NRP1: variants seen among roughly 807,000 people sequenced by gnomAD.
NRP1 encodes neuropilin-1.
Under a neutral mutation model 106.7 loss-of-function variants are expected in NRP1, and 35 were observed. That is an observed-to-expected ratio of 0.33 (90% CI 0.25 to 0.43). NRP1 has a LOEUF of 0.43. NRP1 is among the 20% of genes least tolerant of loss of function. NRP1 has a pLI of 1.00. For missense variants in NRP1, 1,024 were observed against 1,170.4 expected, an observed-to-expected ratio of 0.87 and a Z score of 1.83; for synonymous variants, 437 against 417.9, an observed-to-expected ratio of 1.05 and a Z score of -0.56.
At chr10:33,282,991 G>A (rs1167495823) in intron 2 of NRP1, among the ~76,000 whole-genome samples, 1 of 152,122 alleles carries the variant, frequency 6.6e-6, no homozygotes, top group East Asian at 1.9e-4. Context: ...TGATCCACCT[G>A]TCTCAGCCTC....
chr10:33,253,912 G>A (rs569836279), intron 6 of NRP1, 116 bp downstream of exon 6: 29 of 878,148 alleles, frequency 3.3e-5, no homozygotes, highest in South Asian at 9.9e-5. Context: ...CCTGATGGCC[G>A]TGAACCTATC....
intron 2 of NRP1, among the ~76,000 whole-genome samples, chr10:33,275,094 G>A (rs2133330017): frequency 6.6e-6 from 1 of 152,292 alleles, no homozygotes; most frequent in Middle Eastern, 3.4e-3. Context: ...CAATTAGTCT[G>A]CATCTATGTT....
chr10:33,325,590 A>G (rs778360022), intron 2 of NRP1, among the ~76,000 whole-genome samples: 14 of 152,216 alleles, frequency 9.2e-5, no homozygotes, highest in Non-Finnish European at 1.8e-4. Context: ...TTTTCATTCC[A>G]TAAGTTTATA....
intron 12 of NRP1, among the ~76,000 whole-genome samples, chr10:33,196,609 G>C (rs34156386): frequency 0.037 from 5,579 of 152,234 alleles, 137 homozygotes; most frequent in Non-Finnish European, 0.056. Flanking sequence ...TTTTGTAGAG[G>C]GTGTCTGGGC....
chr10:33,246,583 A>AACACACACACACAC (rs59215824), intron 6 of NRP1, among the ~76,000 whole-genome samples: 38 of 137,734 alleles, frequency 2.8e-4, no homozygotes, highest in African/African-American at 8.8e-4. Flanking sequence ...AGTTGCAATA[A>AACACACACACACAC]ACACACACAC....
chr10:33,275,138 T>C (rs1382187545), intron 2 of NRP1, among the ~76,000 whole-genome samples: 1 of 152,212 alleles, frequency 6.6e-6, no homozygotes, highest in African/African-American at 2.4e-5. Context: ...CGTCCCCTAA[T>C]AGTTCTGGCT....
At chr10:33,220,900 CAAAAAAAA>C (rs35895871) in intron 8 of NRP1, among the ~76,000 whole-genome samples, 2 of 60,678 alleles carry the variant, frequency 3.3e-5, no homozygotes, top group Non-Finnish European at 5.7e-5. Flanking sequence ...GGCTCAGTCT[CAAAAAAAA>C]AAAAAAAAAA....
intron 12 of NRP1, among the ~76,000 whole-genome samples, chr10:33,192,977 T>C (rs1290253041): frequency 6.6e-6 from 1 of 152,192 alleles, no homozygotes; most frequent in Non-Finnish European, 1.5e-5. Flanking sequence ...GATTATTTTT[T>C]TTTCTTCCAT....
At chr10:33,267,414 C>T (rs1378429635) in intron 3 of NRP1, among the ~76,000 whole-genome samples, 2 of 152,148 alleles carry the variant, frequency 1.3e-5, no homozygotes, top group Admixed American at 1.3e-4. Flanking sequence ...CTTGTAAGAA[C>T]AGGAGTAACT....
intron 6 of NRP1, among the ~76,000 whole-genome samples, chr10:33,230,283 C>G (rs1289763519): frequency 1.3e-5 from 2 of 152,250 alleles, no homozygotes; most frequent in African/African-American, 4.8e-5. Flanking sequence ...GTCAGGAGAC[C>G]TAGAAAGACT....
chr10:33,251,143 A>C (rs1420971046), intron 6 of NRP1, among the ~76,000 whole-genome samples: 1 of 152,118 alleles, frequency 6.6e-6, no homozygotes, highest in Non-Finnish European at 1.5e-5. Flanking sequence ...TCTTCTCATG[A>C]TAGTGGGTGA....
At chr10:33,196,830 C>A (rs1836821057) in intron 12 of NRP1, among the ~76,000 whole-genome samples, 1 of 152,064 alleles carries the variant, frequency 6.6e-6, no homozygotes, top group Non-Finnish European at 1.5e-5. Flanking sequence ...ACCACACGCC[C>A]CATTAATAAA....
chr10:33,275,895 G>A (rs563179179), intron 2 of NRP1, among the ~76,000 whole-genome samples: 1 of 152,064 alleles, frequency 6.6e-6, no homozygotes, highest in Admixed American at 6.6e-5. Context: ...GGTCAACAGG[G>A]CAAGACTCTG....
chr10:33,296,582 CCTCCAAG>C (rs1329905927), intron 2 of NRP1, among the ~76,000 whole-genome samples: 1 of 152,118 alleles, frequency 6.6e-6, no homozygotes, highest in Admixed American at 6.5e-5. Flanking sequence ...TCCCTTCTGA[CCTCCAAG>C]CTTCAGAGGG....
chr10:33,304,099 A>G (rs576440685), intron 2 of NRP1, among the ~76,000 whole-genome samples: 142 of 152,368 alleles, frequency 9.3e-4, no homozygotes, highest in African/African-American at 3.2e-3. Context: ...TGTTCTGGGA[A>G]ATAACTCAAT....
intron 6 of NRP1, among the ~76,000 whole-genome samples, chr10:33,245,784 T>G (rs1351265014): frequency 6.6e-6 from 1 of 150,946 alleles, no homozygotes; most frequent in Non-Finnish European, 1.5e-5. Flanking sequence ...AGTTGAGATA[T>G]CCCTGAAAGA....
chr10:33,202,789 C>T (rs761867850), intron 11 of NRP1, 102 bp downstream of exon 11: 1 of 1,605,418 alleles, frequency 6.2e-7, no homozygotes, highest in Non-Finnish European at 8.5e-7. Context: ...CTGGGCAGCT[C>T]TCTGCCATGC....
Position 33,254,239 on chromosome 10 carries a change from T to A in NRP1, c.815-45A>T, listed in dbSNP as rs772743753. The A allele has an allele frequency of 2.0e-6, 3 of 1,514,490 alleles. No individual in the cohort carries two copies. The East Asian group carries it at 6.9e-5, about 35-fold the overall frequency. 93.8% of individuals were successfully genotyped at this position (1,514,490 alleles called of 1,614,324 possible). A position where few individuals can be genotyped will look rare whatever the true frequency, so the allele number is the denominator to read the frequency against. ...CCACAGTCATCAAAATATAGGGGAT[T>A]TAAGATGCATTTTTCTTTTTTAACT... On this transcript the variant is annotated intron_variant, in intron 5 of 16. Transcript: ENST00000374867.
At chr10:33,183,821 C>G (rs1350969714) in intron 15 of NRP1, among the ~76,000 whole-genome samples, 2 of 152,188 alleles carry the variant, frequency 1.3e-5, no homozygotes, top group African/African-American at 2.4e-5. Context: ...GTACAATTGT[C>G]TTACACATAT....
Sources: allele counts gnomAD v4.1 joint callset (sites outside exome capture counted in the v4.1 genomes callset), GRCh38; gene constraint gnomAD v4.1.1; transcripts MANE v1.5; gene names NCBI Gene and HGNC (gene_info 2026-07-23, HGNC 2026-07-21).